The following OSBPL5 variants were observed in gnomAD, a reference collection of about 807,000 sequenced individuals.
OSBPL5 encodes the protein oxysterol binding protein like 5, also known as oxysterol-binding protein-related protein 5.
Under a neutral mutation model 111.2 loss-of-function variants are expected in OSBPL5, and 71 were observed. That is an observed-to-expected ratio of 0.64 (90% CI 0.53 to 0.78). The LOEUF (loss-of-function observed/expected upper bound fraction) is 0.78. OSBPL5 is among the 30% of genes least tolerant of loss of function. The pLI is 0.00. For synonymous variants in OSBPL5, 549 were observed against 513.9 expected (o/e 1.07, Z -0.93); for missense variants, 1,210 against 1,189.3 (o/e 1.02, Z -0.26).
rs535023565 is a variant in OSBPL5, at chr11:3,087,311, C to G, written c.*894G>C. Reference sequence around the variant, plus strand: ...GTGTAGAGGCTCACACACGCGCACACGCACACGCAGAGCGGCACTGACACG... The same window carrying G: ...GTGTAGAGGCTCACACACGCGCACAGGCACACGCAGAGCGGCACTGACACG... On this transcript the variant is annotated 3_prime_UTR_variant, in exon 22 of 22. Transcript: ENST00000263650. 2 of 154,526 alleles carry G rather than the reference C, an allele frequency of 1.3e-5. No individual in the cohort carries two copies. The highest frequency in any genetic ancestry group is 4.8e-5 in the African/African-American group (2 of 41,638). 9.6% of individuals were successfully genotyped at this position (154,526 alleles called of 1,614,324 possible).
intron 1 of OSBPL5, among the ~76,000 whole-genome samples, chr11:3,164,974 C>G (rs1396305843): frequency 6.6e-6 from 1 of 151,300 alleles, no homozygotes; most frequent in African/African-American, 2.4e-5. Flanking sequence ...CCGTCCTGGC[C>G]CGGGGCGCCC....
chr11:3,103,798 C>G lies in OSBPL5; in HGVS notation c.1244+395G>C, dbSNP rs550382837. ...CAGCCTCTGCAGTCCCTTCCTGCCT[C>G]TGCAGCCCTCTTCCTGCCTGCGCAG... On this transcript the variant is annotated intron_variant, in intron 10 of 21. Transcript: ENST00000263650. Among the ~76,000 whole-genome samples the G allele has an allele frequency of 9.7e-3, 439 of 45,338 alleles. 6 individuals carry two copies. Among genetic ancestry groups the G allele is most frequent in the South Asian group, 0.052 (81 of 1,562 alleles). The allele number at this position is 45,338 out of a possible 152,430, so 29.7% of individuals were successfully genotyped here. A position where few individuals can be genotyped will look rare whatever the true frequency, so the allele number is the denominator to read the frequency against.
intron 1 of OSBPL5, among the ~76,000 whole-genome samples, chr11:3,159,192 T>C (rs1414816920): frequency 1.3e-5 from 2 of 152,172 alleles, no homozygotes; most frequent in Admixed American, 1.3e-4. Flanking sequence ...AGGGTCGGTT[T>C]CTGCCCAGGA....
At chr11:3,128,876 G>A (rs912503299) in intron 2 of OSBPL5, 137 bp downstream of exon 2, 23 of 840,126 alleles carry the variant, frequency 2.7e-5, no homozygotes, top group Middle Eastern at 4.0e-4. Context: ...GCTACAAACC[G>A]TTTGATCATG....
rs1217393558 is a variant in OSBPL5, at chr11:3,106,661, C to T, written c.1059+602G>A. On this transcript the variant is annotated intron_variant, in intron 9 of 21. Coordinates refer to ENST00000263650, the MANE Select transcript of OSBPL5 (RefSeq NM_020896.4). This position sits in a 1 kb window ranked among gnomAD's most constrained non-coding sequence, Gnocchi z 8.4. ...GCGCTGGTGGTCCTTCTTCTTGGAA[C>T]GCCATCCTCCCTCCCGTCACTCACG... 3.3e-5 allele frequency among the ~76,000 whole-genome samples: 5 copies of T among 152,202 alleles called. No homozygotes were observed. Among genetic ancestry groups the T allele is most frequent in the East Asian group, 1.9e-4 (1 of 5,198 alleles).
Position 3,146,841 on chromosome 11 carries a change from G to A in OSBPL5, c.-21-17672C>T, listed in dbSNP as rs1011328464. Among the ~76,000 whole-genome samples the A allele has an allele frequency of 1.9e-4, 29 of 152,130 alleles. No homozygotes were observed. Among genetic ancestry groups the A allele is most frequent in the African/African-American group, 6.8e-4 (28 of 41,416 alleles). On this transcript the variant is annotated intron_variant, in intron 1 of 21. Transcript: ENST00000263650. This position sits in a 1 kb window ranked among gnomAD's most constrained non-coding sequence, Gnocchi z 7.8. ...CCCTGGCAGCCAGATCCCCTTCGCC[G>A]TGGCTGGAGCTGGCGTTTCTATTTA...
At chr11:3,145,587 T>C (rs572420085) in intron 1 of OSBPL5, among the ~76,000 whole-genome samples, 20 of 152,322 alleles carry the variant, frequency 1.3e-4, no homozygotes, top group African/African-American at 4.6e-4. Context: ...CGGACCCGGC[T>C]GCAGTCCCAG....
At chr11:3,129,754 G>A (rs997514612) in intron 1 of OSBPL5, among the ~76,000 whole-genome samples, 1 of 152,208 alleles carries the variant, frequency 6.6e-6, no homozygotes, top group African/African-American at 2.4e-5. Flanking sequence ...AGTTTCAGTT[G>A]CACCCACATG....
At chr11:3,112,951 G>A (rs1010759802) in intron 7 of OSBPL5, among the ~76,000 whole-genome samples, 1 of 152,044 alleles carries the variant, frequency 6.6e-6, no homozygotes, top group African/African-American at 2.4e-5. Context: ...GAAAGTCTAA[G>A]ACAGGAAAAA....
chr11:3,155,154 G>A (rs1174301007), intron 1 of OSBPL5, among the ~76,000 whole-genome samples: 1 of 152,220 alleles, frequency 6.6e-6, no homozygotes, highest in Non-Finnish European at 1.5e-5. Flanking sequence ...AGAACTGAGA[G>A]AGAATCAACG....
chr11:3,098,593 A>G (rs948041895), intron 14 of OSBPL5, among the ~76,000 whole-genome samples: 2 of 143,860 alleles, frequency 1.4e-5, no homozygotes, highest in African/African-American at 5.3e-5. Context: ...GCATCCTTCA[A>G]CTCCCGGGTT....
At chr11:3,122,759 C>T (rs376524399) in intron 3 of OSBPL5, among the ~76,000 whole-genome samples, 4 of 152,188 alleles carry the variant, frequency 2.6e-5, no homozygotes, top group South Asian at 2.1e-4. Flanking sequence ...TGACTTCCTA[C>T]GGGTCTGACT....
chr11:3,122,574 C>T (rs1039254670), intron 3 of OSBPL5, 146 bp from the exon 4 acceptor site: 13 of 674,732 alleles, frequency 1.9e-5, no homozygotes, highest in Non-Finnish European at 7.4e-6. Context: ...TCCATCCCCC[C>T]CACCAGCACT....
At chr11:3,089,300 C>T (rs1217199735) in intron 21 of OSBPL5, among the ~76,000 whole-genome samples, 2 of 152,210 alleles carry the variant, frequency 1.3e-5, no homozygotes, top group African/African-American at 4.8e-5. Context: ...CCAGTGAGAC[C>T]CTCAGCCTGG....
In OSBPL5 at chr11:3,092,280, G is replaced by C; in HGVS notation, c.2259+152C>G. ...TCCCGGTTTCCTGAGTCCCATGCTC[G>C]GCAGAGAAGGAAAGGGGACGAGGGG... is the stretch of plus-strand genomic sequence containing the variant. On this transcript the variant is annotated intron_variant, in intron 19 of 21. Coordinates refer to ENST00000263650, the MANE Select transcript of OSBPL5 (RefSeq NM_020896.4). The surrounding 1 kb of genome is among the most constrained non-coding windows in gnomAD (Gnocchi z 5.4). 8.7e-7 allele frequency: 1 copy of C among 1,154,340 alleles called. No individual in the cohort carries two copies. The highest frequency in any genetic ancestry group is 1.2e-6 in the Non-Finnish European group (1 of 851,180). 71.5% of individuals were successfully genotyped at this position (1,154,340 alleles called of 1,614,324 possible).
rs774187370 is a variant in OSBPL5, at chr11:3,122,140, C to T, written c.301-42G>A. On this transcript the variant is annotated intron_variant, in intron 4 of 21. Transcript: ENST00000263650. ...CGCGGTGGGTCATGGGAGAAGGCAC[C>T]GAGCTGCCCCAGCTCCTCCCACCGT... 28 of 1,520,952 alleles carry T rather than the reference C, an allele frequency of 1.8e-5. No homozygotes were observed. The East Asian group carries it at 4.9e-4, about 26-fold the overall frequency. The allele number at this position is 1,520,952 out of a possible 1,614,324, so 94.2% of individuals were successfully genotyped here. A position where few individuals can be genotyped will look rare whatever the true frequency, so the allele number is the denominator to read the frequency against.
rs1590662928 is a variant in OSBPL5 at position 3,110,578 on chromosome 11, T to C, written c.692-2633A>G. 6.6e-6 allele frequency among the ~76,000 whole-genome samples: 1 copy of C among 152,150 alleles called. No homozygotes were observed. Among genetic ancestry groups the C allele is most frequent in the South Asian group, 2.1e-4 (1 of 4,826 alleles). On this transcript the variant is annotated intron_variant, in intron 7 of 21. Transcript: ENST00000263650. This position sits in a 1 kb window ranked among gnomAD's most constrained non-coding sequence, Gnocchi z 5.3. ...TGGTGCCTGGTGTGAAAGGAAAATC[T>C]TGGGCCCCTCAAATCACTAAGCTAA...
Position 3,106,203 on chromosome 11 carries a change from G to A in OSBPL5, c.1059+1060C>T, listed in dbSNP as rs1016969927. Among the ~76,000 whole-genome samples the A allele has an allele frequency of 6.6e-6, 1 of 152,066 alleles. No individual in the cohort carries two copies. Among genetic ancestry groups the A allele is most frequent in the Non-Finnish European group, 1.5e-5 (1 of 67,992 alleles). ...ACACAAGGATTTCACGGACCACGGA[G>A]GAGCCCCCTCTGTCCCTGTGCAGAG... On this transcript the variant is annotated intron_variant, in intron 9 of 21. Transcript: ENST00000263650. The surrounding 1 kb of genome is among the most constrained non-coding windows in gnomAD (Gnocchi z 8.4).
intron 1 of OSBPL5, among the ~76,000 whole-genome samples, chr11:3,150,038 GCA>G (rs1344803747): frequency 2.6e-5 from 4 of 152,044 alleles, no homozygotes; most frequent in African/African-American, 9.7e-5. Context: ...AGATGTGCAT[GCA>G]CACACACACA....
Sources: allele counts gnomAD v4.1 joint callset (sites outside exome capture counted in the v4.1 genomes callset), GRCh38; gene constraint gnomAD v4.1.1; non-coding constraint Gnocchi (gnomAD v3.1); transcripts MANE v1.5; gene names NCBI Gene and HGNC (gene_info 2026-07-23, HGNC 2026-07-21).